PON2: variants seen among roughly 807,000 people sequenced by gnomAD.
The protein encoded by PON2 is serum paraoxonase/arylesterase 2.
A neutral mutation model predicts 36.6 loss-of-function variants in PON2; 27 were observed. The ratio of observed to expected loss-of-function variants is 0.74; its 90% CI spans 0.54 to 1.02. The LOEUF is 1.02. Ranked by LOEUF, PON2 falls within the 50% of genes least tolerant of loss-of-function variation. The pLI is 0.00. For synonymous variants in PON2, 149 were observed against 156.3 expected (o/e 0.95, Z 0.35); for missense variants, 363 against 421.1 (o/e 0.86, Z 1.21).
chr7:95,411,880 T>C (rs1227140309), intron 4 of PON2, 101 bp from the exon 5 acceptor site: 8 of 1,267,702 alleles, frequency 6.3e-6, no homozygotes, highest in East Asian at 2.4e-5. Flanking sequence ...AGGTTGAATG[T>C]ATAAGCTGTT....
At position 95,412,300 on chromosome 7, in the gene PON2, A is replaced by G; in HGVS notation, c.367+12T>C. 1 of 1,614,012 alleles carries G rather than the reference A, an allele frequency of 6.2e-7. No individual in the cohort carries two copies. Among genetic ancestry groups the G allele is most frequent in the African/African-American group, 1.3e-5 (1 of 75,036 alleles). The stretch of plus-strand genomic sequence containing the variant: ...ACACGTTACTAAATGTTGGTAGCCC[A>G]TTGGCTCTTACCGTTGTCTATGAAA... On this transcript the variant is annotated intron_variant, in intron 4 of 8. Coordinates refer to ENST00000222572, the MANE Select transcript of PON2 (RefSeq NM_000305.3).
Position 95,434,994 on chromosome 7 carries a change from C to A in PON2, c.-43G>T. 6.7e-7 allele frequency: 1 copy of A among 1,498,416 alleles called. No homozygotes were observed. Among genetic ancestry groups the A allele is most frequent in the Non-Finnish European group, 8.9e-7 (1 of 1,129,210 alleles). The allele number at this position is 1,498,416 out of a possible 1,614,324, so 92.8% of individuals were successfully genotyped here. A position where few individuals can be genotyped will look rare whatever the true frequency, so the allele number is the denominator to read the frequency against. On this transcript the variant is annotated 5_prime_UTR_variant, in exon 1 of 9. Transcript: ENST00000222572. ...CGCTGCCTCGCTCCGGCCTGGCCAG[C>A]AGCTCCGTGGGCGGTGCCATCTTCC...
intron 2 of PON2, among the ~76,000 whole-genome samples, chr7:95,417,738 T>G (rs960703492): frequency 4.7e-5 from 5 of 107,438 alleles, no homozygotes; most frequent in African/African-American, 1.7e-4. Flanking sequence ...GAGAGAGAAT[T>G]CTAGTCCAGG....
At chr7:95,407,187 G>C (rs1330882373) in intron 6 of PON2, 119 bp from the exon 7 acceptor site, 4 of 638,488 alleles carry the variant, frequency 6.3e-6, no homozygotes, top group African/African-American at 5.6e-5. Context: ...GGCCCTCAAG[G>C]AATGCTTGAT....
chr7:95,420,725 G>C (rs1789172694), intron 2 of PON2, among the ~76,000 whole-genome samples: 1 of 152,146 alleles, frequency 6.6e-6, no homozygotes, highest in South Asian at 2.1e-4. Flanking sequence ...CTCTTAGAGG[G>C]ATTAGTTGGC....
intron 2 of PON2, among the ~76,000 whole-genome samples, chr7:95,420,740 A>G (rs779528401): frequency 6.6e-6 from 1 of 152,210 alleles, no homozygotes; most frequent in African/African-American, 2.4e-5. Context: ...GTTGGCCTCA[A>G]GTGCATAGCT....
intron 2 of PON2, among the ~76,000 whole-genome samples, chr7:95,419,067 A>G (rs1291363476): frequency 1.3e-5 from 2 of 152,224 alleles, no homozygotes; most frequent in East Asian, 3.8e-4. Context: ...AAAATTCACA[A>G]TAATTCCTCA....
chr7:95,405,604 A>G (rs994731999), intron 8 of PON2, 116 bp from the exon 9 acceptor site: 1 of 1,016,792 alleles, frequency 9.8e-7, no homozygotes. Context: ...GCTGTTGAAA[A>G]TAGCAGTTAC....
In PON2 at chr7:95,417,521, C is replaced by T. The variant is rs571020882; in HGVS notation, c.146-1224G>A. ...ACAGATGAGAACGTTTCTGTAAAAA[C>T]GGTCCTTGATTTTCATCAGATTCAA... On this transcript the variant is annotated intron_variant, in intron 2 of 8. Coordinates refer to ENST00000222572, the MANE Select transcript of PON2 (RefSeq NM_000305.3). 7.9e-5 allele frequency among the ~76,000 whole-genome samples: 12 copies of T among 152,044 alleles called. No individual in the cohort carries two copies. The South Asian group carries it at 1.5e-3, about 18-fold the overall frequency.
chr7:95,409,220 G>A (rs1585746268), intron 6 of PON2, among the ~76,000 whole-genome samples: 1 of 152,202 alleles, frequency 6.6e-6, no homozygotes, highest in East Asian at 1.9e-4. Context: ...GCTGAGGCAG[G>A]AGAATCACTT....
intron 6 of PON2, among the ~76,000 whole-genome samples, chr7:95,407,971 A>T (rs183137440): frequency 6.6e-6 from 1 of 152,310 alleles, no homozygotes; most frequent in African/African-American, 2.4e-5. Context: ...AATGTTTAAA[A>T]CAATGAGTTC....
At chr7:95,424,717 G>A in intron 1 of PON2, 132 bp from the exon 2 acceptor site, 1 of 705,506 alleles carries the variant, frequency 1.4e-6, no homozygotes, top group South Asian at 1.7e-5. Flanking sequence ...AGATGAAAGA[G>A]AAAATAGAAA....
chr7:95,417,690 G>C (rs199986449), intron 2 of PON2, among the ~76,000 whole-genome samples: 35 of 93,848 alleles, frequency 3.7e-4, no homozygotes, highest in African/African-American at 7.7e-4. Flanking sequence ...TGTACACACA[G>C]ACACACACAC....
At chr7:95,431,009 A>G (rs1789429034) in intron 1 of PON2, among the ~76,000 whole-genome samples, 2 of 152,044 alleles carry the variant, frequency 1.3e-5, no homozygotes, top group South Asian at 2.1e-4. Context: ...GAACATTCAC[A>G]TGGGTACTCT....
chr7:95,409,835 CAAAGT>C, intron 6 of PON2, 61 bp downstream of exon 6: 3 of 1,425,460 alleles, frequency 2.1e-6, no homozygotes, highest in South Asian at 1.2e-5. Context: ...ACAAAGAAAG[CAAAGT>C]AAAGAATTTG....
At chr7:95,424,809 G>A (rs148503410) in intron 1 of PON2, among the ~76,000 whole-genome samples, 1 of 133,562 alleles carries the variant, frequency 7.5e-6, no homozygotes, top group East Asian at 1.9e-4. Flanking sequence ...TACTGATGTG[G>A]GTTATTAAAA....
intron 2 of PON2, 29 bp downstream of exon 2, chr7:95,424,486 G>A (rs1789267377): frequency 6.3e-7 from 1 of 1,580,576 alleles, no homozygotes; most frequent in South Asian, 1.1e-5. Flanking sequence ...AAAATGCAAT[G>A]TGCCCAACAA....
In PON2 at chr7:95,419,196, T is replaced by C. The variant is rs1789137666; in HGVS notation, c.146-2899A>G. ...GTAAGGTCCCACACATTTCAATTGA[T>C]TGATGTGCCTCTTATTTCTTTAAGT... is the stretch of plus-strand genomic sequence containing the variant. On this transcript the variant is annotated intron_variant, in intron 2 of 8. Transcript: ENST00000222572. Among the ~76,000 whole-genome samples, 3 of 152,200 alleles carry C rather than the reference T, an allele frequency of 2.0e-5. No individual in the cohort carries two copies. In the South Asian group the frequency reaches 6.2e-4, roughly 32 times the overall value.
At chr7:95,421,975 G>A (rs1789205072) in intron 2 of PON2, among the ~76,000 whole-genome samples, 1 of 152,156 alleles carries the variant, frequency 6.6e-6, no homozygotes, top group African/African-American at 2.4e-5. Context: ...GCCAAATTGA[G>A]AGCAACTTAG....
Sources: gnomAD v4.1 joint callset for allele counts (sites outside exome capture counted in the v4.1 genomes callset) on GRCh38, gnomAD v4.1.1 for gene constraint, MANE v1.5 for transcripts, NCBI Gene and HGNC (gene_info 2026-07-23, HGNC 2026-07-21) for gene names.